Variants in RPS6KA5 observed in about 807,000 individuals in gnomAD.
RPS6KA5 encodes the protein ribosomal protein S6 kinase A5.
In RPS6KA5, 27 loss-of-function variants were observed where a neutral mutation model predicts 85.5. The ratio of observed to expected loss-of-function variants is 0.32; its 90% CI spans 0.23 to 0.44. RPS6KA5 has a LOEUF of 0.44. Among genes scored for constraint, RPS6KA5 ranks in the 20% least tolerant of loss-of-function variants. RPS6KA5 has a pLI of 1.00. For synonymous variants in RPS6KA5, 334 were observed against 348.2 expected, an observed-to-expected ratio of 0.96 and a Z score of 0.46; for missense variants, 811 against 980.9, an observed-to-expected ratio of 0.83 and a Z score of 2.31.
At chr14:90,923,035 A>C (rs1183675317) in intron 6 of RPS6KA5, 78 bp downstream of exon 6, 1 of 1,034,532 alleles carries the variant, frequency 9.7e-7, no homozygotes, top group Non-Finnish European at 1.5e-6. Context: ...TGTTGAAGAG[A>C]TGACCTAAGT....
intron 1 of RPS6KA5, among the ~76,000 whole-genome samples, chr14:91,017,559 G>A (rs1383948445): frequency 6.6e-6 from 1 of 152,180 alleles, no homozygotes; most frequent in Non-Finnish European, 1.5e-5. Context: ...CCAGATGGAT[G>A]CCAATTCCTT....
Position 90,989,324 on chromosome 14 carries a change from G to A in RPS6KA5, c.176-10800C>T, listed in dbSNP as rs552577794. Among the ~76,000 whole-genome samples the A allele has an allele frequency of 1.1e-4, 17 of 152,208 alleles. No homozygotes were observed. The South Asian group carries it at 2.9e-3, about 26-fold the overall frequency. ...CAAGATGCAAACTTGAGTCTTCTACGTCATCCTCGATACTCAAGTACTCTA... is the reference window on the plus strand; with the variant it reads ...CAAGATGCAAACTTGAGTCTTCTACATCATCCTCGATACTCAAGTACTCTA... On this transcript the variant is annotated intron_variant, in intron 2 of 16. Coordinates refer to ENST00000614987, the MANE Select transcript of RPS6KA5 (RefSeq NM_004755.4).
intron 3 of RPS6KA5, among the ~76,000 whole-genome samples, chr14:90,964,075 A>G (rs1053849210): frequency 1.3e-5 from 2 of 152,220 alleles, no homozygotes; most frequent in Non-Finnish European, 1.5e-5. Context: ...CTAATCAAAT[A>G]TTAATGTAAA....
At chr14:91,014,021 C>T (rs941139549) in intron 1 of RPS6KA5, among the ~76,000 whole-genome samples, 19 of 152,250 alleles carry the variant, frequency 1.2e-4, no homozygotes, top group Admixed American at 2.6e-4. Context: ...CTGGTGACCA[C>T]GACGTCATAA....
At chr14:90,999,399 C>T (rs2040679986) in intron 2 of RPS6KA5, among the ~76,000 whole-genome samples, 1 of 152,086 alleles carries the variant, frequency 6.6e-6, no homozygotes, top group Non-Finnish European at 1.5e-5. Context: ...ACACTCAGGT[C>T]CCTGAGAGTG....
intron 1 of RPS6KA5, among the ~76,000 whole-genome samples, chr14:91,055,854 GC>G (rs985220741): frequency 1.3e-5 from 2 of 152,180 alleles, no homozygotes; most frequent in African/African-American, 4.8e-5. Flanking sequence ...GGGGAAACCA[GC>G]TGCCTGTCAT....
At position 90,857,731 on chromosome 14, in the gene RPS6KA5, C is replaced by T. The variant is rs555656517; in HGVS notation, c.*14343G>A. On this transcript the variant is annotated 3_prime_UTR_variant, in exon 17 of 17. Coordinates refer to ENST00000614987, the MANE Select transcript of RPS6KA5 (RefSeq NM_004755.4). ...AAAGATTCCAGTCTCTTTTTTCTCA[C>T]TCCCAACCCCCACACAAGAAAAGTC... 6.6e-6 allele frequency: 1 copy of T among 152,250 alleles called. No homozygotes were observed. Among genetic ancestry groups the T allele is most frequent in the South Asian group, 2.1e-4 (1 of 4,826 alleles). 9.4% of individuals were successfully genotyped at this position (152,250 alleles called of 1,614,324 possible).
At chr14:90,899,496 T>A in intron 11 of RPS6KA5, 74 bp from the exon 12 acceptor site, 1 of 951,998 alleles carries the variant, frequency 1.1e-6, no homozygotes, top group Non-Finnish European at 1.7e-6. Context: ...CCAAGACTAA[T>A]TTTGTCTTAT....
At position 90,850,183 on chromosome 14, in the gene RPS6KA5, C is replaced by G. The variant is rs1420306446; in HGVS notation, c.*21891G>C. ...CTGGGATCCCGTCAGCTTCTCCTTC[C>G]CCAGAGGTCCTGACATTGCTTACCA... On this transcript the variant is annotated 3_prime_UTR_variant, in exon 17 of 17. Transcript: ENST00000614987. 1 of 152,160 alleles carries G rather than the reference C, an allele frequency of 6.6e-6. No individual in the cohort carries two copies. The highest frequency in any genetic ancestry group is 6.5e-5 in the Admixed American group (1 of 15,268). 9.4% of individuals were successfully genotyped at this position (152,160 alleles called of 1,614,324 possible).
At chr14:91,014,987 T>C (rs1030379403) in intron 1 of RPS6KA5, among the ~76,000 whole-genome samples, 1 of 152,010 alleles carries the variant, frequency 6.6e-6, no homozygotes, top group Non-Finnish European at 1.5e-5. Context: ...AAATGTACTA[T>C]TATTATAAAA....
At chr14:90,877,704 T>G (rs1387430343) in intron 14 of RPS6KA5, among the ~76,000 whole-genome samples, 1 of 152,102 alleles carries the variant, frequency 6.6e-6, no homozygotes, top group East Asian at 1.9e-4. Flanking sequence ...AGAATGCCAT[T>G]TTTTTTCTTC....
intron 1 of RPS6KA5, among the ~76,000 whole-genome samples, chr14:91,027,570 T>A (rs1378236476): frequency 6.6e-6 from 1 of 152,228 alleles, no homozygotes; most frequent in African/African-American, 2.4e-5. Context: ...GTTTTATCAC[T>A]CATAATTATC....
chr14:90,873,755 A>G lies in RPS6KA5; in HGVS notation c.2037T>C (p.Ser679=). The change falls in exon 16 of 17, where the codon TCT becomes TCC. Residue 679 remains serine (S), a synonymous_variant. Transcript: ENST00000614987. ...GTAGCCATTCATTGTACCTCAAGCCAGACATTTTAAGCCTTTTGTTTGGAT... is the reference window on the plus strand; with the variant it reads ...GTAGCCATTCATTGTACCTCAAGCCGGACATTTTAAGCCTTTTGTTTGGAT... ...TVDPNKRLKM[S]GLRYNEWLQD... 6.2e-7 allele frequency: 1 copy of G among 1,614,118 alleles called. No homozygotes were observed. The highest frequency in any genetic ancestry group is 1.1e-5 in the South Asian group (1 of 91,080).
rs916948163 is a variant in RPS6KA5 at position 90,865,637 on chromosome 14, G to A, written c.*6437C>T. On this transcript the variant is annotated 3_prime_UTR_variant, in exon 17 of 17. Transcript: ENST00000614987. Reference sequence around the variant, plus strand: ...TAAACAATATGATCACTATCTATATGTAGTTTTAGTGCTCCATTTGGACTG... The same window carrying A: ...TAAACAATATGATCACTATCTATATATAGTTTTAGTGCTCCATTTGGACTG... 6.6e-6 allele frequency: 1 copy of A among 152,190 alleles called. No homozygotes were observed. Among genetic ancestry groups the A allele is most frequent in the African/African-American group, 2.4e-5 (1 of 41,450 alleles). The allele number at this position is 152,190 out of a possible 1,614,324, so 9.4% of individuals were successfully genotyped here.
chr14:90,912,952 C>G (rs2035911249), intron 7 of RPS6KA5, among the ~76,000 whole-genome samples: 1 of 136,866 alleles, frequency 7.3e-6, no homozygotes, highest in South Asian at 2.3e-4. Context: ...CCTCTGTTGC[C>G]CAGGCTGGAG....
rs569624635 is a variant in RPS6KA5 at position 91,028,955 on chromosome 14, T to C, written c.104-27796A>G. ...ACAAATACATCTGAAGTAATATATC[T>C]GAAGGGGTAGTAAACACAAAGAAAA... On this transcript the variant is annotated intron_variant, in intron 1 of 16. Transcript: ENST00000614987. Among the ~76,000 whole-genome samples the C allele has an allele frequency of 2.0e-4, 30 of 152,358 alleles. 1 individual carries two copies. The South Asian group carries it at 5.8e-3, about 29-fold the overall frequency.
intron 2 of RPS6KA5, among the ~76,000 whole-genome samples, chr14:90,984,225 T>C (rs1266430095): frequency 6.6e-6 from 1 of 152,230 alleles, no homozygotes. Context: ...GTTCTACTTT[T>C]TGAGACTGAG....
chr14:90,897,101 T>G (rs984604401), intron 12 of RPS6KA5, among the ~76,000 whole-genome samples: 1 of 152,184 alleles, frequency 6.6e-6, no homozygotes, highest in African/African-American at 2.4e-5. Flanking sequence ...GGGACAGGCA[T>G]TAGATTCTTA....
chr14:91,022,024 G>T (rs2041805530), intron 1 of RPS6KA5, among the ~76,000 whole-genome samples: 1 of 152,104 alleles, frequency 6.6e-6, no homozygotes, highest in South Asian at 2.1e-4. Flanking sequence ...ATATATTTAT[G>T]CATATTTAGG....
Sources: gnomAD v4.1 joint callset for allele counts (sites outside exome capture counted in the v4.1 genomes callset) on GRCh38, gnomAD v4.1.1 for gene constraint, MANE v1.5 for transcripts, NCBI Gene and HGNC (gene_info 2026-07-23, HGNC 2026-07-21) for gene names.